L3MBTL4: variants seen among roughly 807,000 people sequenced by gnomAD.
L3MBTL4 encodes lethal(3)malignant brain tumor-like protein 4.
L3MBTL4 carries 70 observed loss-of-function variants against 84.5 expected under a neutral mutation model. The observed-to-expected ratio is 0.83, with a 90% confidence interval of 0.68 to 1.01. L3MBTL4 has a LOEUF of 1.01. L3MBTL4 is among the 50% of genes least tolerant of loss of function. L3MBTL4 has a pLI of 0.00. For synonymous variants in L3MBTL4, 274 were observed against 259.8 expected (o/e 1.05, Z -0.52); for missense variants, 715 against 754.8 (o/e 0.95, Z 0.62).
intron 1 of L3MBTL4, among the ~76,000 whole-genome samples, chr18:6,318,109 T>C (rs1568483928): frequency 2.0e-5 from 3 of 152,098 alleles, no homozygotes; most frequent in African/African-American, 4.8e-5. Context: ...AAAGGAGTTA[T>C]AAATCTTCAA....
chr18:6,311,996 A>G lies in L3MBTL4; in HGVS notation c.-32+2T>C. On this transcript the variant is annotated splice_donor_variant, in intron 2 of 18. Transcript: ENST00000317931. LOFTEE classifies it low-confidence loss of function (5UTR_SPLICE). ...ATCAGCCTGCACAGCTTCTGTACTC[A>G]CATGGTCTGACACGTATTCTTGGTA... is the stretch of plus-strand genomic sequence containing the variant. 1.0e-5 allele frequency: 2 copies of G among 199,554 alleles called. 1 individual carries two copies. Among genetic ancestry groups the G allele is most frequent in the South Asian group, 1.9e-4 (2 of 10,644 alleles). The allele number at this position is 199,554 out of a possible 1,614,324, so 12.4% of individuals were successfully genotyped here.
intron 2 of L3MBTL4, 85 bp downstream of exon 2, chr18:6,311,913 C>A (rs1413966568): frequency 6.5e-6 from 2 of 308,608 alleles, no homozygotes; most frequent in Admixed American, 8.9e-5. Context: ...TTGGTCTTAT[C>A]TGGGATAAAA....
chr18:5,957,721 C>T (rs1393408057), intron 18 of L3MBTL4, among the ~76,000 whole-genome samples: 1 of 151,836 alleles, frequency 6.6e-6, no homozygotes, highest in Non-Finnish European at 1.5e-5. Flanking sequence ...TTTGGGAGGC[C>T]GAGGTGGGCA....
At chr18:6,188,615 T>C (rs910986372) in intron 12 of L3MBTL4, among the ~76,000 whole-genome samples, 4 of 152,206 alleles carry the variant, frequency 2.6e-5, no homozygotes, top group African/African-American at 9.6e-5. Context: ...AGTTTGTACC[T>C]GGAGGAGCTG....
intron 1 of L3MBTL4, among the ~76,000 whole-genome samples, chr18:6,354,919 G>A (rs2053366476): frequency 6.6e-6 from 1 of 152,102 alleles, no homozygotes; most frequent in Non-Finnish European, 1.5e-5. Flanking sequence ...TAATCCAGCA[G>A]TCCTTCTGCT....
At chr18:6,350,088 C>T (rs1282619422) in intron 1 of L3MBTL4, among the ~76,000 whole-genome samples, 2 of 152,076 alleles carry the variant, frequency 1.3e-5, no homozygotes, top group Admixed American at 6.6e-5. Context: ...TTACCTTACA[C>T]CATATACAAA....
At chr18:6,005,948 C>T (rs1402528496) in intron 16 of L3MBTL4, among the ~76,000 whole-genome samples, 1 of 152,012 alleles carries the variant, frequency 6.6e-6, no homozygotes, top group Admixed American at 6.6e-5. Context: ...AATTTACATT[C>T]CCACTAGCAG....
intron 14 of L3MBTL4, among the ~76,000 whole-genome samples, chr18:6,097,832 T>C (rs2058690703): frequency 6.6e-6 from 1 of 152,200 alleles, no homozygotes; most frequent in Non-Finnish European, 1.5e-5. Flanking sequence ...AAGTTCCTAC[T>C]TTGTTTTTGC....
At chr18:6,313,583 T>C (rs1224106826) in intron 1 of L3MBTL4, among the ~76,000 whole-genome samples, 1 of 152,178 alleles carries the variant, frequency 6.6e-6, no homozygotes, top group Non-Finnish European at 1.5e-5. Context: ...TCTATGCAAA[T>C]GAACAGCATA....
chr18:6,324,520 G>C (rs2051611291), intron 1 of L3MBTL4, among the ~76,000 whole-genome samples: 1 of 152,208 alleles, frequency 6.6e-6, no homozygotes, highest in African/African-American at 2.4e-5. Flanking sequence ...ACTCAGGCTT[G>C]TGCTATGACT....
intron 16 of L3MBTL4, chr18:6,030,718 T>A: frequency 1.0e-6 from 1 of 975,274 alleles, no homozygotes; most frequent in Non-Finnish European, 1.2e-6. Flanking sequence ...TTTAGTTTAA[T>A]GCTATCTCCA....
At chr18:5,996,619 G>C (rs1392405258) in intron 16 of L3MBTL4, among the ~76,000 whole-genome samples, 1 of 152,162 alleles carries the variant, frequency 6.6e-6, no homozygotes, top group South Asian at 2.1e-4. Context: ...GCTCAGAGAA[G>C]CTTTTCCGTG....
At chr18:6,181,069 T>G (rs1453174965) in intron 12 of L3MBTL4, among the ~76,000 whole-genome samples, 1 of 144,236 alleles carries the variant, frequency 6.9e-6, no homozygotes, top group Admixed American at 6.7e-5. Flanking sequence ...GGACCAAAAG[T>G]AGATTAGAGG....
intron 12 of L3MBTL4, among the ~76,000 whole-genome samples, chr18:6,200,573 C>T (rs1196875414): frequency 6.6e-6 from 1 of 152,176 alleles, no homozygotes; most frequent in Admixed American, 6.5e-5. Flanking sequence ...ATTACTACTC[C>T]ACAGTCCCAC....
intron 10 of L3MBTL4, among the ~76,000 whole-genome samples, chr18:6,220,568 T>C (rs544388102): frequency 6.6e-6 from 1 of 152,328 alleles, no homozygotes; most frequent in African/African-American, 2.4e-5. Context: ...ACTTGCCTTA[T>C]TCTTCTCCAC....
chr18:6,098,311 AG>A, intron 14 of L3MBTL4, among the ~76,000 whole-genome samples: 1 of 152,162 alleles, frequency 6.6e-6, no homozygotes, highest in Non-Finnish European at 1.5e-5. Flanking sequence ...TCAGGTGACC[AG>A]GGGGCCCTGG....
At chr18:6,302,387 T>A (rs1468880291) in intron 3 of L3MBTL4, among the ~76,000 whole-genome samples, 1 of 152,184 alleles carries the variant, frequency 6.6e-6, no homozygotes, top group African/African-American at 2.4e-5. Flanking sequence ...ATGCTTTAAT[T>A]TTAACCAAAC....
At chr18:6,070,205 C>T (rs144652477) in intron 16 of L3MBTL4, among the ~76,000 whole-genome samples, 1 of 152,206 alleles carries the variant, frequency 6.6e-6, no homozygotes, top group East Asian at 1.9e-4. Flanking sequence ...GATTTAAGCA[C>T]TATGAATCCT....
At chr18:6,309,482 G>GA in intron 3 of L3MBTL4, among the ~76,000 whole-genome samples, 1 of 152,246 alleles carries the variant, frequency 6.6e-6, no homozygotes, top group Middle Eastern at 3.4e-3. Flanking sequence ...ACTAATGATT[G>GA]AAAAAATTCA....
Sources: allele counts gnomAD v4.1 joint callset (sites outside exome capture counted in the v4.1 genomes callset), GRCh38; gene constraint gnomAD v4.1.1; transcripts MANE v1.5; gene names NCBI Gene and HGNC (gene_info 2026-07-23, HGNC 2026-07-21).